The following C1orf21 variants were observed in gnomAD, a reference collection of about 807,000 sequenced individuals.
C1orf21 encodes chromosome 1 open reading frame 21, also known as uncharacterized protein C1orf21.
Under a neutral mutation model 18.7 loss-of-function variants are expected in C1orf21, and 3 were observed. The ratio of observed to expected loss-of-function variants is 0.16; its 90% CI spans 0.07 to 0.42. The LOEUF (loss-of-function observed/expected upper bound fraction) is 0.42. Ranked by LOEUF, C1orf21 falls within the 10% of genes least tolerant of loss-of-function variation. C1orf21 has a pLI of 0.99. For missense variants in C1orf21, 104 were observed against 143.6 expected, an observed-to-expected ratio of 0.72 and a Z score of 1.41; for synonymous variants, 41 against 46.4, an observed-to-expected ratio of 0.88 and a Z score of 0.47.
At chr1:184,508,963 T>A (rs1436567440) in intron 3 of C1orf21, among the ~76,000 whole-genome samples, 1 of 152,206 alleles carries the variant, frequency 6.6e-6, no homozygotes, top group African/African-American at 2.4e-5. Flanking sequence ...AGTATTGAAA[T>A]ATCAGTAGTC....
At chr1:184,468,085 TC>T (rs1157873771) in intron 1 of C1orf21, among the ~76,000 whole-genome samples, 1 of 151,818 alleles carries the variant, frequency 6.6e-6, no homozygotes, top group Non-Finnish European at 1.5e-5. Context: ...ACAAAGTCCT[TC>T]CCCCCAAAAA....
chr1:184,478,644 A>G (rs1278164903), intron 2 of C1orf21, among the ~76,000 whole-genome samples: 1 of 152,162 alleles, frequency 6.6e-6, no homozygotes, highest in Non-Finnish European at 1.5e-5. Context: ...CATTGACATT[A>G]CCTGGCCACT....
chr1:184,603,851 C>G (rs1017008000), intron 5 of C1orf21, among the ~76,000 whole-genome samples: 1 of 152,206 alleles, frequency 6.6e-6, no homozygotes, highest in African/African-American at 2.4e-5. Context: ...ACCTCTACAT[C>G]TATTGAACAG....
chr1:184,487,959 G>T (rs1657756624), intron 2 of C1orf21, among the ~76,000 whole-genome samples: 1 of 152,222 alleles, frequency 6.6e-6, no homozygotes, highest in Non-Finnish European at 1.5e-5. Flanking sequence ...CATATTAGCA[G>T]CCTGCAGTTG....
Position 184,619,677 on chromosome 1 carries a change from C to T in C1orf21, c.*121C>T. On this transcript the variant is annotated 3_prime_UTR_variant, in exon 6 of 6. Coordinates refer to ENST00000235307, the MANE Select transcript of C1orf21 (RefSeq NM_030806.4). ...GCACTATAGCAAAAGAAGATCGTTC[C>T]ATATTGTACGCCCCATTAAATTACA... The T allele has an allele frequency of 1.2e-6, 1 of 807,160 alleles. No homozygotes were observed. Among genetic ancestry groups the T allele is most frequent in the Non-Finnish European group, 2.0e-6 (1 of 508,092 alleles). 50.0% of individuals were successfully genotyped at this position (807,160 alleles called of 1,614,324 possible). A position where few individuals can be genotyped will look rare whatever the true frequency, so the allele number is the denominator to read the frequency against.
chr1:184,473,077 A>G lies in C1orf21; in HGVS notation c.-124-4309A>G, dbSNP rs532513165. On this transcript the variant is annotated intron_variant, in intron 1 of 5. Transcript: ENST00000235307. ...TAAGGCAAGATAATGTAGACATACAACCATTTGGGGAGGGGTTTACACAAA... is the reference window on the plus strand; with the variant it reads ...TAAGGCAAGATAATGTAGACATACAGCCATTTGGGGAGGGGTTTACACAAA... Among the ~76,000 whole-genome samples the G allele has an allele frequency of 2.6e-5, 4 of 152,332 alleles. No homozygotes were observed. The East Asian group carries it at 7.7e-4, about 29-fold the overall frequency.
chr1:184,394,450 C>T (rs941138928), intron 1 of C1orf21, among the ~76,000 whole-genome samples: 4 of 152,172 alleles, frequency 2.6e-5, no homozygotes, highest in African/African-American at 7.2e-5. Context: ...TCATACCCAT[C>T]ATCATAGATA....
intron 1 of C1orf21, among the ~76,000 whole-genome samples, chr1:184,475,378 C>T (rs140059514): frequency 4.2e-4 from 64 of 152,158 alleles, no homozygotes; most frequent in African/African-American, 1.5e-3. Flanking sequence ...AATGAACACA[C>T]ACAAATAGGC....
At chr1:184,463,342 A>G (rs1333312353) in intron 1 of C1orf21, among the ~76,000 whole-genome samples, 1 of 152,046 alleles carries the variant, frequency 6.6e-6, no homozygotes, top group Non-Finnish European at 1.5e-5. Context: ...TTCTATTCAT[A>G]ATTTTTATCA....
chr1:184,505,594 T>C (rs1207337795), intron 2 of C1orf21, among the ~76,000 whole-genome samples: 1 of 151,602 alleles, frequency 6.6e-6, no homozygotes, highest in East Asian at 1.9e-4. Context: ...AAAACCCGTC[T>C]CTACTAAAAA....
chr1:184,437,017 T>C (rs1056812011), intron 1 of C1orf21, among the ~76,000 whole-genome samples: 1 of 152,106 alleles, frequency 6.6e-6, no homozygotes, highest in Non-Finnish European at 1.5e-5. Context: ...AAAAAGGAAT[T>C]GTTGACAACC....
At chr1:184,468,683 C>G (rs1441758981) in intron 1 of C1orf21, among the ~76,000 whole-genome samples, 2 of 152,094 alleles carry the variant, frequency 1.3e-5, no homozygotes, top group African/African-American at 4.8e-5. Context: ...CTTTGGGAGG[C>G]TGAGGCAGGC....
At chr1:184,571,111 G>T (rs1055868123) in intron 3 of C1orf21, among the ~76,000 whole-genome samples, 1 of 152,002 alleles carries the variant, frequency 6.6e-6, no homozygotes, top group Admixed American at 6.6e-5. Flanking sequence ...GGCTAAAACG[G>T]TGAAACCCCG....
intron 2 of C1orf21, among the ~76,000 whole-genome samples, chr1:184,493,862 C>A (rs1343735486): frequency 6.6e-6 from 1 of 152,136 alleles, no homozygotes; most frequent in African/African-American, 2.4e-5. Context: ...AAATGGCCAG[C>A]ATGTTAAAAT....
chr1:184,506,407 G>A (rs972899751), intron 2 of C1orf21, among the ~76,000 whole-genome samples: 5 of 152,134 alleles, frequency 3.3e-5, no homozygotes, highest in East Asian at 1.9e-4. Context: ...TTAGAAAGTG[G>A]TGTTATAGAT....
chr1:184,612,666 G>A (rs1465477394), intron 5 of C1orf21, among the ~76,000 whole-genome samples: 1 of 152,034 alleles, frequency 6.6e-6, no homozygotes, highest in African/African-American at 2.4e-5. Context: ...GGGCAACAGA[G>A]CCAGGCTCCA....
chr1:184,506,851 A>G (rs1223568859), intron 2 of C1orf21, among the ~76,000 whole-genome samples: 1 of 152,098 alleles, frequency 6.6e-6, no homozygotes, highest in East Asian at 1.9e-4. Context: ...TGCGGAGGCT[A>G]GGTCCCATCC....
chr1:184,458,628 A>G (rs1362695347), intron 1 of C1orf21, among the ~76,000 whole-genome samples: 1 of 152,212 alleles, frequency 6.6e-6, no homozygotes, highest in Non-Finnish European at 1.5e-5. Flanking sequence ...TCATTCACTT[A>G]TACCAACTCT....
At chr1:184,552,179 T>C (rs1391646078) in intron 3 of C1orf21, among the ~76,000 whole-genome samples, 1 of 152,124 alleles carries the variant, frequency 6.6e-6, no homozygotes, top group African/African-American at 2.4e-5. Context: ...ACTTTTAACA[T>C]AGAAAGTGTT....
Sources: gnomAD v4.1 joint callset for allele counts (sites outside exome capture counted in the v4.1 genomes callset) on GRCh38, gnomAD v4.1.1 for gene constraint, MANE v1.5 for transcripts, NCBI Gene and HGNC (gene_info 2026-07-23, HGNC 2026-07-21) for gene names.